NIM1K: variants seen among roughly 807,000 people sequenced by gnomAD.
NIM1K encodes the protein NIM1 serine/threonine protein kinase.
In NIM1K, 35 loss-of-function variants were observed where a neutral mutation model predicts 37.1. That is an observed-to-expected ratio of 0.94 (90% CI 0.72 to 1.25). NIM1K has a LOEUF of 1.25. Among genes scored for constraint, NIM1K ranks in the 50% most tolerant of loss-of-function variants. The pLI is 0.00. For synonymous variants in NIM1K, 234 were observed against 206.6 expected, an observed-to-expected ratio of 1.13 and a Z score of -1.14; for missense variants, 564 against 548.0, an observed-to-expected ratio of 1.03 and a Z score of -0.29.
At chr5:43,220,514 C>T (rs1188058219) in intron 1 of NIM1K, among the ~76,000 whole-genome samples, 1 of 152,094 alleles carries the variant, frequency 6.6e-6, no homozygotes, top group South Asian at 2.1e-4. Flanking sequence ...CTCCTGACCT[C>T]AGGTGATCCG....
chr5:43,199,866 G>A (rs1338691695), intron 1 of NIM1K, among the ~76,000 whole-genome samples: 1 of 152,154 alleles, frequency 6.6e-6, no homozygotes, highest in African/African-American at 2.4e-5. Flanking sequence ...TACACCTGTT[G>A]TCCTAGTGTG....
At chr5:43,269,091 C>T (rs1297987434) in intron 2 of NIM1K, among the ~76,000 whole-genome samples, 5 of 151,792 alleles carry the variant, frequency 3.3e-5, no homozygotes, top group Non-Finnish European at 5.9e-5. Context: ...GGTATATCAC[C>T]TGAGGTCAGG....
intron 1 of NIM1K, among the ~76,000 whole-genome samples, chr5:43,197,133 ATTT>A (rs983177670): frequency 1.3e-5 from 2 of 149,434 alleles, no homozygotes; most frequent in African/African-American, 4.9e-5. Context: ...TGACTTATTT[ATTT>A]TTATGTTTTA....
At chr5:43,243,880 T>C (rs1478893507) in intron 1 of NIM1K, among the ~76,000 whole-genome samples, 59 of 152,254 alleles carry the variant, frequency 3.9e-4, no homozygotes, top group Non-Finnish European at 5.9e-5. Flanking sequence ...CACCACACCC[T>C]GCTAAGGGGA....
At chr5:43,264,984 A>G (rs1040351537) in intron 2 of NIM1K, among the ~76,000 whole-genome samples, 1 of 152,156 alleles carries the variant, frequency 6.6e-6, no homozygotes, top group African/African-American at 2.4e-5. Context: ...CTGCCGAGAG[A>G]TCTGCTGTTA....
chr5:43,199,665 G>C (rs1292427377), intron 1 of NIM1K, among the ~76,000 whole-genome samples: 1 of 152,180 alleles, frequency 6.6e-6, no homozygotes, highest in Non-Finnish European at 1.5e-5. Context: ...GGCCAAAACT[G>C]TGTCTCAGAG....
chr5:43,247,017 G>T (rs912723957), intron 2 of NIM1K, among the ~76,000 whole-genome samples: 1 of 152,016 alleles, frequency 6.6e-6, no homozygotes, highest in Non-Finnish European at 1.5e-5. Context: ...TGTCTCCAAG[G>T]CCCCTCTTTT....
chr5:43,270,040 G>T (rs1031768315), intron 2 of NIM1K, among the ~76,000 whole-genome samples: 3 of 152,140 alleles, frequency 2.0e-5, no homozygotes, highest in Admixed American at 6.5e-5. Context: ...GTGTATGGCT[G>T]GTCTGGTAGT....
chr5:43,193,630 A>G (rs1209746349), intron 1 of NIM1K: 2 of 152,242 alleles, frequency 1.3e-5, no homozygotes, highest in Non-Finnish European at 2.9e-5. Context: ...AGTGATTCCA[A>G]GTCAAGATTT....
chr5:43,250,495 G>A (rs112476265), intron 2 of NIM1K, among the ~76,000 whole-genome samples: 2,152 of 152,264 alleles, frequency 0.014, 23 homozygotes, highest in South Asian at 0.024. Context: ...GTCTTGGTCA[G>A]AGGGCATGCA....
chr5:43,253,663 GT>G (rs756961168), intron 2 of NIM1K, among the ~76,000 whole-genome samples: 87 of 143,796 alleles, frequency 6.1e-4, no homozygotes, highest in Middle Eastern at 3.6e-3. Context: ...CTACTGAAGA[GT>G]TTTTTTTTTT....
intron 1 of NIM1K, among the ~76,000 whole-genome samples, chr5:43,240,931 C>T (rs1242026855): frequency 6.6e-6 from 1 of 151,998 alleles, no homozygotes; most frequent in African/African-American, 2.4e-5. Context: ...TCACATCCAT[C>T]TTTATGTCAG....
At chr5:43,264,259 T>C (rs1163181031) in intron 2 of NIM1K, among the ~76,000 whole-genome samples, 1 of 152,158 alleles carries the variant, frequency 6.6e-6, no homozygotes, top group Non-Finnish European at 1.5e-5. Flanking sequence ...GGAGTCTAAG[T>C]CTCTTTGTAG....
At chr5:43,249,293 T>A (rs1303948068) in intron 2 of NIM1K, among the ~76,000 whole-genome samples, 2 of 151,886 alleles carry the variant, frequency 1.3e-5, no homozygotes, top group Non-Finnish European at 2.9e-5. Flanking sequence ...ATGGTCTCGA[T>A]TTCCTGACCT....
intron 1 of NIM1K, among the ~76,000 whole-genome samples, chr5:43,203,689 A>G (rs1287187381): frequency 6.6e-6 from 1 of 152,176 alleles, no homozygotes; most frequent in South Asian, 2.1e-4. Flanking sequence ...TCTTTATTGA[A>G]CTATGGTGAC....
chr5:43,272,261 C>T (rs1329855318), intron 2 of NIM1K, among the ~76,000 whole-genome samples: 2 of 152,162 alleles, frequency 1.3e-5, no homozygotes, highest in Non-Finnish European at 2.9e-5. Flanking sequence ...GAACCTCTCC[C>T]TACTTTTCTC....
At chr5:43,232,390 G>T in intron 1 of NIM1K, 1 of 1,414,400 alleles carries the variant, frequency 7.1e-7, no homozygotes, top group Non-Finnish European at 1.0e-6. Flanking sequence ...TGGGGGGATA[G>T]GCCACCAGCT....
chr5:43,225,668 C>A, intron 1 of NIM1K: 1 of 154,458 alleles, frequency 6.5e-6, no homozygotes, highest in Middle Eastern at 9.0e-4. Flanking sequence ...ACAGTGAAGC[C>A]AATGAAGCCA....
intron 2 of NIM1K, among the ~76,000 whole-genome samples, chr5:43,267,078 C>T (rs1753173436): frequency 6.6e-6 from 1 of 152,156 alleles, no homozygotes; most frequent in Non-Finnish European, 1.5e-5. Flanking sequence ...CCATCTGGCC[C>T]TAGGCTTTTT....
Sources: allele counts gnomAD v4.1 joint callset (sites outside exome capture counted in the v4.1 genomes callset), GRCh38; gene constraint gnomAD v4.1.1; transcripts MANE v1.5; gene names NCBI Gene and HGNC (gene_info 2026-07-23, HGNC 2026-07-21).